Variants in CEP164 observed in about 807,000 individuals in gnomAD.
The protein encoded by CEP164 is centrosomal protein 164, also known as centrosomal protein of 164 kDa.
In CEP164, 162 loss-of-function variants were observed where a neutral mutation model predicts 182.7. The observed-to-expected ratio is 0.89, with a 90% CI of 0.78 to 1.01. CEP164 has a LOEUF of 1.01. Ranked by LOEUF, CEP164 falls within the 50% of genes least tolerant of loss-of-function variation. CEP164 has a pLI of 0.00. For synonymous variants in CEP164, 661 were observed against 690.0 expected, an observed-to-expected ratio of 0.96 and a Z score of 0.66; for missense variants, 1,735 against 1,790.4, an observed-to-expected ratio of 0.97 and a Z score of 0.56.
chr11:117,382,910 G>A lies in CEP164; in HGVS notation c.1692G>A (p.Ala564=), dbSNP rs143512199. The A allele has an allele frequency of 1.1e-4, 176 of 1,612,520 alleles. 1 individual carries two copies. The African/African-American group carries it at 1.7e-3, about 16-fold the overall frequency. Residue 564 remains alanine, a synonymous_variant, in exon 14 of 33, where the codon GCG becomes GCA. Coordinates refer to ENST00000278935, the MANE Select transcript of CEP164 (RefSeq NM_014956.5). ...CAGAGGATCCTGAGGAGAAGGTGGC[G>A]GTCAGCCCCACCCCGCCAGTCTCTC... ...EEAEDPEEKV[A]VSPTPPVSPE... is the part of the protein sequence containing the mutation.
intron 10 of CEP164, 110 bp downstream of exon 10, chr11:117,373,941 G>A (rs1592238476): frequency 7.0e-6 from 6 of 854,832 alleles, no homozygotes; most frequent in South Asian, 3.1e-5. Context: ...GGAGAATTTC[G>A]AACTCATGCT....
intron 27 of CEP164, among the ~76,000 whole-genome samples, chr11:117,398,454 G>A (rs1418333829): frequency 6.6e-6 from 1 of 152,210 alleles, no homozygotes; most frequent in Non-Finnish European, 1.5e-5. Flanking sequence ...ATTAGGCAGT[G>A]CCCCAGTAGG....
Position 117,395,641 on chromosome 11 carries a change from A to G in CEP164, c.3008A>G (p.Glu1003Gly). The G allele has an allele frequency of 6.2e-7, 1 of 1,613,830 alleles. No homozygotes were observed. The highest frequency in any genetic ancestry group is 8.5e-7 in the Non-Finnish European group (1 of 1,180,030). ...SNQQLREILDELQARKLKLES... is the reference protein window; with the variant it reads ...SNQQLREILDGLQARKLKLES... Reference sequence around the variant, plus strand: ...CAGCAGCTCCGAGAAATTCTTGATGAGCTGCAGGCCCGCAAGCTGAAGCTG... The same window carrying G: ...CAGCAGCTCCGAGAAATTCTTGATGGGCTGCAGGCCCGCAAGCTGAAGCTG... The change falls in exon 24 of 33, where the codon GAG (glutamate) becomes GGG (glycine). Residue 1003 changes from glutamate (E) to glycine (G), a missense_variant. Glu to Gly is a moderately conservative substitution (Grantham distance 98). Coordinates refer to ENST00000278935, the MANE Select transcript of CEP164 (RefSeq NM_014956.5).
chr11:117,377,330 G>A (rs2042861866), intron 11 of CEP164, among the ~76,000 whole-genome samples: 1 of 152,178 alleles, frequency 6.6e-6, no homozygotes, highest in Non-Finnish European at 1.5e-5. Context: ...GAGCTCAGGT[G>A]ATAATGTTTG....
At chr11:117,410,699 C>G (rs938055360) in intron 30 of CEP164, 129 bp from the exon 31 acceptor site, 24 of 667,444 alleles carry the variant, frequency 3.6e-5, no homozygotes, top group Non-Finnish European at 5.5e-5. Context: ...ATTCCTGTCT[C>G]TCACCTGTCT....
intron 7 of CEP164, among the ~76,000 whole-genome samples, 164 bp from the exon 8 acceptor site, chr11:117,363,265 G>A (rs926254566): frequency 1.5e-4 from 23 of 152,198 alleles, no homozygotes; most frequent in African/African-American, 5.3e-4. Context: ...ATGGAGAGCC[G>A]TTTAGTGAGG....
intron 2 of CEP164, chr11:117,336,698 T>A (rs2037184173): frequency 2.6e-6 from 2 of 767,810 alleles, no homozygotes; most frequent in Non-Finnish European, 4.6e-6. Flanking sequence ...GATCCTGATG[T>A]TTTTAATGGC....
chr11:117,347,061 A>C (rs1373868333), intron 4 of CEP164, among the ~76,000 whole-genome samples: 1 of 152,098 alleles, frequency 6.6e-6, no homozygotes, highest in Non-Finnish European at 1.5e-5. Flanking sequence ...TTTATTATAT[A>C]CACTGTTCTT....
rs748917124 is a variant in CEP164 at position 117,371,403 on chromosome 11, G to A, written c.1089G>A (p.Glu363=). The part of the protein sequence containing the change: ...DAGEEGSRRE[E]AAKEPKKKAS... ...GAGAGGAGGGTTCCAGGAGGGAAGA[G>A]GCAGCCAAGGAGCCAAAGAAGAAGG... is the stretch of plus-strand genomic sequence containing the variant. Residue 363 remains glutamate (E), a synonymous_variant, in exon 9 of 33, where the codon GAG becomes GAA. Coordinates refer to ENST00000278935, the MANE Select transcript of CEP164 (RefSeq NM_014956.5). 5.0e-6 allele frequency: 8 copies of A among 1,614,008 alleles called. No homozygotes were observed. In the South Asian group the frequency reaches 7.7e-5, roughly 16 times the overall value.
intron 6 of CEP164, 99 bp downstream of exon 6, chr11:117,362,092 C>T (rs753434921): frequency 2.1e-4 from 249 of 1,159,378 alleles, no homozygotes; most frequent in Non-Finnish European, 2.9e-4. Context: ...TAGACAGAAT[C>T]GGTGGAGTCC....
Position 117,409,541 on chromosome 11 carries a change from C to T in CEP164, c.3749-77C>T. ...AGGGAGGGGTGGCCAGTAGGGTCCT[C>T]CATGACAGCTGTGTCTGGGAATGGT... On this transcript the variant is annotated intron_variant, in intron 29 of 32. Transcript: ENST00000278935. This position sits in a 1 kb window ranked among gnomAD's most constrained non-coding sequence, Gnocchi z 4.4. The T allele has an allele frequency of 7.3e-7, 1 of 1,362,686 alleles. No homozygotes were observed. Among genetic ancestry groups the T allele is most frequent in the Non-Finnish European group, 1.0e-6 (1 of 986,876 alleles). The allele number at this position is 1,362,686 out of a possible 1,614,324, so 84.4% of individuals were successfully genotyped here.
At chr11:117,331,676 G>C (rs748790109) in intron 1 of CEP164, among the ~76,000 whole-genome samples, 5 of 151,962 alleles carry the variant, frequency 3.3e-5, no homozygotes, top group African/African-American at 4.8e-5. Context: ...AGCACAGAGA[G>C]GAAAATTTTG....
At position 117,351,907 on chromosome 11, in the gene CEP164, A is replaced by G. The variant is rs892164598; in HGVS notation, c.312A>G (p.Ser104=). 4 of 1,613,558 alleles carry G rather than the reference A, an allele frequency of 2.5e-6. No homozygotes were observed. The Admixed American group carries it at 5.0e-5, about 20-fold the overall frequency. The part of the protein sequence containing the change: ...SLVIQERAKL[S]TSGAIKKKKK... ...TGATCCAAGAGCGGGCAAAGCTGTC[A>G]ACTTCTGGGGCCATTAAGAAGAAGA... The change falls in exon 5 of 33, where the codon TCA becomes TCG. Residue 104 remains serine (S), a synonymous_variant. Transcript: ENST00000278935.
In CEP164 at chr11:117,412,387, T is replaced by C; in HGVS notation, c.*219T>C. 1 of 425,392 alleles carries C rather than the reference T, an allele frequency of 2.4e-6. No individual in the cohort carries two copies. The highest frequency in any genetic ancestry group is 4.2e-6 in the Non-Finnish European group (1 of 236,242). The allele number at this position is 425,392 out of a possible 1,614,324, so 26.4% of individuals were successfully genotyped here. On this transcript the variant is annotated 3_prime_UTR_variant, in exon 33 of 33. Transcript: ENST00000278935. Reference sequence around the variant, plus strand: ...AAATGTGTGGACTCGTACGAGCTCTTGTCATTGACATGGCAAGCTGATGGC... The same window carrying C: ...AAATGTGTGGACTCGTACGAGCTCTCGTCATTGACATGGCAAGCTGATGGC...
chr11:117,357,453 G>T (rs1178798199), intron 5 of CEP164, among the ~76,000 whole-genome samples: 36 of 125,832 alleles, frequency 2.9e-4, no homozygotes, highest in African/African-American at 9.4e-4. Flanking sequence ...TGACAGTCTT[G>T]CTCTGTTGCC....
chr11:117,368,329 G>A (rs1320511635), intron 8 of CEP164, among the ~76,000 whole-genome samples: 2 of 152,178 alleles, frequency 1.3e-5, no homozygotes, highest in Admixed American at 1.3e-4. Context: ...GAGTTAGTGT[G>A]ATGTTTATCC....
At position 117,396,222 on chromosome 11, in the gene CEP164, G is replaced by T. The variant is rs759391707; in HGVS notation, c.3216+42G>T. On this transcript the variant is annotated intron_variant, in intron 25 of 32. Transcript: ENST00000278935. ...GGCCTGGGGGCTGGGGCACCAGGATGGTGTGGGGCATTGGGAGGGGCTGGG... is the reference window on the plus strand; with the variant it reads ...GGCCTGGGGGCTGGGGCACCAGGATTGTGTGGGGCATTGGGAGGGGCTGGG... The T allele has an allele frequency of 1.9e-5, 30 of 1,592,432 alleles. No individual in the cohort carries two copies. The South Asian group carries it at 3.0e-4, about 16-fold the overall frequency.
At chr11:117,324,467 C>A (rs2035359110), upstream of CEP164, among the ~76,000 whole-genome samples, 1 of 151,776 alleles carries the variant, frequency 6.6e-6, no homozygotes, top group Non-Finnish European at 1.5e-5. Flanking sequence ...ATTTGTGTGT[C>A]ATTTTTGTTA....
chr11:117,375,721 G>A lies in CEP164; in HGVS notation c.1247G>A (p.Arg416His), dbSNP rs751931460. The change falls in exon 11 of 33, where the codon CGC (arginine) becomes CAC (histidine). Residue 416 changes from arginine to histidine, a missense_variant. Transcript: ENST00000278935. ...KSFHGLDFGF[R>H]SRISEHLLDV... The stretch of plus-strand genomic sequence containing the variant: ...CACTGTCTCCAGGACTTCGGTTTTC[G>A]CAGCCGGATCTCGGAGCACCTGCTG... The A allele has an allele frequency of 3.7e-6, 6 of 1,613,978 alleles. No individual in the cohort carries two copies. The East Asian group carries it at 6.7e-5, about 18-fold the overall frequency.
Sources: allele counts gnomAD v4.1 joint callset (sites outside exome capture counted in the v4.1 genomes callset), GRCh38; gene constraint gnomAD v4.1.1; non-coding constraint Gnocchi (gnomAD v3.1); transcripts MANE v1.5; gene names NCBI Gene and HGNC (gene_info 2026-07-23, HGNC 2026-07-21).